REXO1: variants seen among roughly 807,000 people sequenced by gnomAD.
The protein encoded by REXO1 is RNA exonuclease 1 homolog.
A neutral mutation model predicts 102.6 loss-of-function variants in REXO1; 42 were observed. That is an observed-to-expected ratio of 0.41 (90% CI 0.32 to 0.53). The LOEUF is 0.53. REXO1 is among the 20% of genes least tolerant of loss of function. REXO1 has a pLI of 0.27. For missense variants in REXO1, 1,819 were observed against 1,732.5 expected, an observed-to-expected ratio of 1.05 and a Z score of -0.89; for synonymous variants, 908 against 779.1, an observed-to-expected ratio of 1.17 and a Z score of -2.76.
Position 1,820,449 on chromosome 19 carries a change from G to A in REXO1, c.2395-54C>T, listed in dbSNP as rs113258125. 2,324 of 1,599,962 alleles carry A rather than the reference G, an allele frequency of 1.5e-3. 21 individuals are homozygous for A. The African/African-American group carries it at 0.025, about 17-fold the overall frequency. ...TGAGGGCCTCCACAAGGCCTCCAGCGGGGAACGCAGACGCGATGAGGCCGT... is the reference window on the plus strand; with the variant it reads ...TGAGGGCCTCCACAAGGCCTCCAGCAGGGAACGCAGACGCGATGAGGCCGT... On this transcript the variant is annotated intron_variant, in intron 5 of 15. Transcript: ENST00000170168.
chr19:1,820,271 A>G lies in REXO1; in HGVS notation c.2519T>C (p.Ile840Thr), dbSNP rs1291617582. 1.2e-6 allele frequency: 2 copies of G among 1,612,844 alleles called. No individual in the cohort carries two copies. The highest frequency in any genetic ancestry group is 1.1e-5 in the South Asian group (1 of 91,008). ...LKFCTSNQEA[I>T]EKALNEEKVA... Reference sequence around the variant, plus strand: ...GGAACTCCAGGACCTCACCTTCTCTATGGCCTCCTGGTTGGAGGTACAGAA... The same window carrying G: ...GGAACTCCAGGACCTCACCTTCTCTGTGGCCTCCTGGTTGGAGGTACAGAA... Residue 840 changes from isoleucine (I) to threonine (T), a missense_variant, in exon 6 of 16, where the codon ATA (isoleucine) becomes ACA (threonine). Coordinates refer to ENST00000170168, the MANE Select transcript of REXO1 (RefSeq NM_020695.4).
Position 1,823,571 on chromosome 19 carries a change from C to A in REXO1, c.2230+1G>T. On this transcript the variant is annotated splice_donor_variant, in intron 4 of 15. Coordinates refer to ENST00000170168, the MANE Select transcript of REXO1 (RefSeq NM_020695.4). LOFTEE classifies it high-confidence loss of function. ...CACAGGCCCCCTGGGCCAGGACTCA[C>A]CTGCAGCCAGGCGGGGGTTGGGGAT... The A allele has an allele frequency of 7.7e-7, 1 of 1,306,948 alleles. No individual in the cohort carries two copies. Among genetic ancestry groups the A allele is most frequent in the South Asian group, 2.5e-5 (1 of 40,530 alleles). 81.0% of individuals were successfully genotyped at this position (1,306,948 alleles called of 1,614,324 possible). A position where few individuals can be genotyped will look rare whatever the true frequency, so the allele number is the denominator to read the frequency against.
chr19:1,842,338 C>A (rs530163043), intron 1 of REXO1, among the ~76,000 whole-genome samples: 26 of 152,348 alleles, frequency 1.7e-4, no homozygotes, highest in African/African-American at 4.8e-4. Flanking sequence ...GGGGTTGTCC[C>A]CAGCACTGAA....
In REXO1 at chr19:1,815,875, G is replaced by A. The variant is rs1308054202; in HGVS notation, c.*191C>T. On this transcript the variant is annotated 3_prime_UTR_variant, in exon 16 of 16. Coordinates refer to ENST00000170168, the MANE Select transcript of REXO1 (RefSeq NM_020695.4). The surrounding 1 kb of genome is among the most constrained non-coding windows in gnomAD (Gnocchi z 4.0). ...TGGGGGGCAGAGGGTGGGGACCGGC[G>A]GAGGGGTGCGGCAGGACGTGAGCGG... The A allele has an allele frequency of 1.9e-5, 29 of 1,525,858 alleles. No homozygotes were observed. The highest frequency in any genetic ancestry group is 2.4e-5 in the South Asian group (2 of 82,980). The allele number at this position is 1,525,858 out of a possible 1,614,324, so 94.5% of individuals were successfully genotyped here.
chr19:1,820,381 G>A lies in REXO1; in HGVS notation c.2409C>T (p.Pro803=), dbSNP rs1384178629. 2.5e-6 allele frequency: 4 copies of A among 1,613,424 alleles called. No individual in the cohort carries two copies. In the South Asian group the frequency reaches 3.3e-5, roughly 13 times the overall value. The change falls in exon 6 of 16, where the codon CCC becomes CCT. Residue 803 remains proline, a synonymous_variant. Coordinates refer to ENST00000170168, the MANE Select transcript of REXO1 (RefSeq NM_020695.4). ...TGCCCCCAAACTCTTTGGGGATAATGGGTTTCTTTAAACTCTAGAGGGAAG... is the reference window on the plus strand; with the variant it reads ...TGCCCCCAAACTCTTTGGGGATAATAGGTTTCTTTAAACTCTAGAGGGAAG... The part of the protein sequence containing the change: ...HSPSLQSLKK[P]IIPKEFGGKV...
chr19:1,821,478 G>A (rs2069538635), intron 5 of REXO1, 41 bp downstream of exon 5: 2 of 1,612,060 alleles, frequency 1.2e-6, no homozygotes, highest in African/African-American at 1.3e-5. Flanking sequence ...TCAGGGCGTG[G>A]TCTTGGGGGT....
At chr19:1,824,399 A>G (rs1030238832) in intron 3 of REXO1, 2 of 152,270 alleles carry the variant, frequency 1.3e-5, no homozygotes, top group Non-Finnish European at 2.9e-5. Context: ...TCTAACAGGA[A>G]GGGGCAGGGC....
At chr19:1,838,428 G>A (rs2070104212) in intron 1 of REXO1, among the ~76,000 whole-genome samples, 2 of 151,940 alleles carry the variant, frequency 1.3e-5, no homozygotes, top group Non-Finnish European at 2.9e-5. Flanking sequence ...AGACCAGCCT[G>A]AGCAACATGC....
Position 1,816,014 on chromosome 19 carries a change from G to A in REXO1, c.*52C>T. 6.5e-7 allele frequency: 1 copy of A among 1,538,642 alleles called. No individual in the cohort carries two copies. The highest frequency in any genetic ancestry group is 8.7e-7 in the Non-Finnish European group (1 of 1,147,104). ...ATTGCACTGTTTTGGAAGAGGCATG[G>A]GGCTAAGGACCAGCGGGACGGCAGG... On this transcript the variant is annotated 3_prime_UTR_variant, in exon 16 of 16. Coordinates refer to ENST00000170168, the MANE Select transcript of REXO1 (RefSeq NM_020695.4).
At position 1,826,846 on chromosome 19, in the gene REXO1, C is replaced by A. The variant is rs1208939913; in HGVS notation, c.1911+32G>T. On this transcript the variant is annotated intron_variant, in intron 2 of 15. Coordinates refer to ENST00000170168, the MANE Select transcript of REXO1 (RefSeq NM_020695.4). This position sits in a 1 kb window ranked among gnomAD's most constrained non-coding sequence, Gnocchi z 4.3. Reference sequence around the variant, plus strand: ...ACCAGGCCCTCGGCTCTGCCTCTGCCCGAGCCCAGCCCCAGCACCCGCGCG... The same window carrying A: ...ACCAGGCCCTCGGCTCTGCCTCTGCACGAGCCCAGCCCCAGCACCCGCGCG... 2 of 1,552,918 alleles carry A rather than the reference C, an allele frequency of 1.3e-6. No homozygotes were observed. Among genetic ancestry groups the A allele is most frequent in the Non-Finnish European group, 1.7e-6 (2 of 1,150,048 alleles).
Position 1,836,735 on chromosome 19 carries a change from G to GCC in REXO1, c.158-8105_158-8104insGG, listed in dbSNP as rs1454757579. 6.0e-5 allele frequency among the ~76,000 whole-genome samples: 2 copies of GCC among 33,604 alleles called. 1 individual carries two copies. The highest frequency in any genetic ancestry group is 9.4e-4 in the Admixed American group (2 of 2,128). The allele number at this position is 33,604 out of a possible 152,430, so 22.0% of individuals were successfully genotyped here. ...CACTGCAGCCTGGGCAACAGAGCAA[G>GCC]ACTGTCTCAAAAAAAAAAAAAAAAA... On this transcript the variant is annotated intron_variant, in intron 1 of 15. Coordinates refer to ENST00000170168, the MANE Select transcript of REXO1 (RefSeq NM_020695.4).
intron 1 of REXO1, among the ~76,000 whole-genome samples, chr19:1,847,920 C>CCGGTACT (rs1404217779): frequency 6.6e-6 from 1 of 152,224 alleles, no homozygotes; most frequent in African/African-American, 2.4e-5. Context: ...GGCCCGGTGC[C>CCGGTACT]CGGTACTCAA....
intron 4 of REXO1, chr19:1,823,335 G>A (rs771019237): frequency 8.3e-4 from 329 of 394,392 alleles, no homozygotes; most frequent in Non-Finnish European, 1.2e-3. Flanking sequence ...CAGGCTGTTG[G>A]ACTCCTAGTA....
chr19:1,842,008 C>T (rs982031090), intron 1 of REXO1, among the ~76,000 whole-genome samples: 2 of 152,050 alleles, frequency 1.3e-5, no homozygotes, highest in African/African-American at 4.8e-5. Context: ...GCCAGGAGTT[C>T]GAGACCAGCC....
chr19:1,840,287 A>C (rs1290529316), intron 1 of REXO1, among the ~76,000 whole-genome samples: 1 of 152,154 alleles, frequency 6.6e-6, no homozygotes, highest in African/African-American at 2.4e-5. Flanking sequence ...AGGGGAAGGA[A>C]ACACTGACCC....
chr19:1,843,203 C>T (rs1373083753), intron 1 of REXO1, among the ~76,000 whole-genome samples: 2 of 150,574 alleles, frequency 1.3e-5, no homozygotes, highest in African/African-American at 2.4e-5. Flanking sequence ...ACCCCCAGCC[C>T]GGAGGGTCCC....
chr19:1,817,347 A>G lies in REXO1; in HGVS notation c.3091-18T>C, dbSNP rs367804217. ...ACGTGTTGCTGGGGGTGGAGAAGGC[A>G]GGTGAGGGCAGCTTCGGGGTGCAGT... On this transcript the variant is annotated intron_variant, in intron 11 of 15. Transcript: ENST00000170168. 8 of 1,610,250 alleles carry G rather than the reference A, an allele frequency of 5.0e-6. No homozygotes were observed. In the African/African-American group the frequency reaches 1.1e-4, roughly 22 times the overall value.
At chr19:1,820,159 C>G (rs2069488687) in intron 6 of REXO1, 102 bp from the exon 7 acceptor site, 1 of 1,561,112 alleles carries the variant, frequency 6.4e-7, no homozygotes, top group South Asian at 1.2e-5. Flanking sequence ...CTCTCCCAGG[C>G]AGCTCCGGGT....
At chr19:1,833,808 C>T (rs1013126628) in intron 1 of REXO1, among the ~76,000 whole-genome samples, 22 of 152,232 alleles carry the variant, frequency 1.4e-4, no homozygotes, top group African/African-American at 5.3e-4. Flanking sequence ...CGTGGAGGGG[C>T]CAGGCCAAGG....
Sources: gnomAD v4.1 joint callset for allele counts (sites outside exome capture counted in the v4.1 genomes callset) on GRCh38, gnomAD v4.1.1 for gene constraint, Gnocchi (gnomAD v3.1) non-coding constraint, MANE v1.5 for transcripts, NCBI Gene and HGNC (gene_info 2026-07-23, HGNC 2026-07-21) for gene names.